The following MS4A5 variants were observed in gnomAD, a reference collection of about 807,000 sequenced individuals.
MS4A5 encodes the protein membrane-spanning 4-domains subfamily A member 5.
Under a neutral mutation model 18.2 loss-of-function variants are expected in MS4A5, and 15 were observed. The ratio of observed to expected loss-of-function variants is 0.83; its 90% confidence interval spans 0.55 to 1.27. The LOEUF is 1.27. Ranked by LOEUF, MS4A5 falls within the 50% of genes most tolerant of loss-of-function variation. The pLI is 0.00. For missense variants in MS4A5, 232 were observed against 225.7 expected, an observed-to-expected ratio of 1.03 and a Z score of -0.18; for synonymous variants, 89 against 78.7, an observed-to-expected ratio of 1.13 and a Z score of -0.69.
chr11:60,431,568 T>C (rs2086048619), intron 2 of MS4A5, among the ~76,000 whole-genome samples: 1 of 152,148 alleles, frequency 6.6e-6, no homozygotes, highest in African/African-American at 2.4e-5. Context: ...CAGGGTGTGA[T>C]GAGGGAGAAT....
chr11:60,445,032 A>ATG lies in MS4A5; in HGVS notation c.493-2617_493-2616insTG, dbSNP rs1358404380. ...ATACTTCTCAGCAATATAAAAGAAC[A>ATG]ACCTACTGACACAGAGGAGCATGAA... On this transcript the variant is annotated intron_variant, in intron 4 of 4. Coordinates refer to ENST00000300190, the MANE Select transcript of MS4A5 (RefSeq NM_023945.3). 2.3e-3 allele frequency among the ~76,000 whole-genome samples: 357 copies of ATG among 152,326 alleles called. 2 individuals are homozygous for ATG. Among genetic ancestry groups the ATG allele is most frequent in the African/African-American group, 8.4e-3 (348 of 41,576 alleles).
chr11:60,435,675 G>A (rs1350525695), intron 4 of MS4A5, among the ~76,000 whole-genome samples: 1 of 152,176 alleles, frequency 6.6e-6, no homozygotes, highest in African/African-American at 2.4e-5. Flanking sequence ...GTGACGGACG[G>A]CACCTAGAAA....
At chr11:60,443,669 G>T (rs1389090368) in intron 4 of MS4A5, among the ~76,000 whole-genome samples, 1 of 151,632 alleles carries the variant, frequency 6.6e-6, no homozygotes, top group African/African-American at 2.4e-5. Context: ...CACAAACCAT[G>T]GATAAGATAA....
intron 4 of MS4A5, among the ~76,000 whole-genome samples, chr11:60,447,144 GCTATGCTATC>G (rs200022368): frequency 0.25 from 37,389 of 146,810 alleles, 5,606 homozygotes; most frequent in Non-Finnish European, 0.33. Flanking sequence ...GCTATGCTAT[GCTATGCTATC>G]CTATGCTATC....
intron 4 of MS4A5, among the ~76,000 whole-genome samples, chr11:60,436,592 T>C (rs1179758430): frequency 7.5e-6 from 1 of 133,618 alleles, no homozygotes; most frequent in Non-Finnish European, 1.7e-5. Flanking sequence ...CTGATGGAGC[T>C]GAAAACCAAG....
chr11:60,446,189 A>T (rs77351852), intron 4 of MS4A5, among the ~76,000 whole-genome samples: 2,926 of 152,344 alleles, frequency 0.019, 101 homozygotes, highest in African/African-American at 0.067. Context: ...AGTGGCCATT[A>T]AAAACCATGT....
At chr11:60,440,061 C>T in intron 4 of MS4A5, among the ~76,000 whole-genome samples, 1 of 141,936 alleles carries the variant, frequency 7.0e-6, no homozygotes. Flanking sequence ...CAGCATGGTA[C>T]TGGTACCAAA....
At chr11:60,446,383 A>C (rs948863727) in intron 4 of MS4A5, among the ~76,000 whole-genome samples, 1 of 152,170 alleles carries the variant, frequency 6.6e-6, no homozygotes, top group African/African-American at 2.4e-5. Context: ...GTGTATCTCT[A>C]TTTGTGCTCA....
intron 4 of MS4A5, among the ~76,000 whole-genome samples, chr11:60,446,830 A>T (rs914814533): frequency 1.3e-5 from 2 of 150,904 alleles, no homozygotes; most frequent in African/African-American, 4.9e-5. Flanking sequence ...CTAAGCCAAT[A>T]GTTTTCTTTT....
At chr11:60,431,373 G>T (rs373098796) in intron 2 of MS4A5, among the ~76,000 whole-genome samples, 3 of 152,234 alleles carry the variant, frequency 2.0e-5, no homozygotes, top group African/African-American at 7.2e-5. Flanking sequence ...AAGTGGGAAG[G>T]GTTTCTCAGA....
chr11:60,437,507 T>A (rs1301440698), intron 4 of MS4A5, among the ~76,000 whole-genome samples: 1 of 152,160 alleles, frequency 6.6e-6, no homozygotes, highest in Non-Finnish European at 1.5e-5. Context: ...GACCCATCAG[T>A]GTGCTGTATT....
intron 3 of MS4A5, among the ~76,000 whole-genome samples, chr11:60,432,781 A>AC (rs1565186507): frequency 6.8e-6 from 1 of 147,262 alleles, no homozygotes. Flanking sequence ...AAAAAAAAAA[A>AC]CAAAAAAAAG....
chr11:60,441,238 G>T (rs1353731817), intron 4 of MS4A5, among the ~76,000 whole-genome samples: 3 of 137,548 alleles, frequency 2.2e-5, no homozygotes, highest in Non-Finnish European at 3.1e-5. Context: ...GAGATCACAT[G>T]GACACAGGAA....
chr11:60,432,535 C>T, intron 3 of MS4A5, 68 bp downstream of exon 3: 1 of 1,046,212 alleles, frequency 9.6e-7, no homozygotes, highest in Non-Finnish European at 1.4e-6. Flanking sequence ...TACCTGTAAT[C>T]CCAGCACTTT....
chr11:60,434,357 A>G (rs1163508850), intron 4 of MS4A5, among the ~76,000 whole-genome samples: 4 of 152,194 alleles, frequency 2.6e-5, no homozygotes, highest in Admixed American at 2.0e-4. Flanking sequence ...TACCACTAAG[A>G]TTAGTGTAAA....
In MS4A5 at chr11:60,443,336, A is replaced by G. The variant is rs190577569; in HGVS notation, c.493-4313A>G. 2.6e-5 allele frequency among the ~76,000 whole-genome samples: 4 copies of G among 151,976 alleles called. No individual in the cohort carries two copies. In the East Asian group the frequency reaches 7.7e-4, roughly 29 times the overall value. On this transcript the variant is annotated intron_variant, in intron 4 of 4. Transcript: ENST00000300190. The stretch of plus-strand genomic sequence containing the variant: ...AATTGAATTAAATGTCAATTTTAAA[A>G]AGGCAAAAAAAAAATCCCCAAAACT...
intron 4 of MS4A5, among the ~76,000 whole-genome samples, chr11:60,446,134 A>T (rs1365777697): frequency 6.6e-6 from 1 of 152,248 alleles, no homozygotes; most frequent in Non-Finnish European, 1.5e-5. Context: ...AGTTCCTGTC[A>T]CAAAAGAATA....
chr11:60,447,621 A>AT (rs757340172), intron 4 of MS4A5, 28 bp from the exon 5 acceptor site: 1,099 of 1,276,378 alleles, frequency 8.6e-4, no homozygotes, highest in Non-Finnish European at 9.8e-4. Context: ...ATGACTCTTC[A>AT]TTTTTTTTTC....
At chr11:60,437,944 C>A (rs529361542) in intron 4 of MS4A5, among the ~76,000 whole-genome samples, 1 of 152,284 alleles carries the variant, frequency 6.6e-6, no homozygotes, top group South Asian at 2.1e-4. Context: ...CTACAGAACT[C>A]TCCACGCCAA....
Sources: allele counts gnomAD v4.1 joint callset (sites outside exome capture counted in the v4.1 genomes callset), GRCh38; gene constraint gnomAD v4.1.1; transcripts MANE v1.5; gene names NCBI Gene and HGNC (gene_info 2026-07-23, HGNC 2026-07-21).